NPAS3: variants seen among roughly 807,000 people sequenced by gnomAD.
The protein encoded by NPAS3 is neuronal PAS domain protein 3.
A neutral mutation model predicts 73.1 loss-of-function variants in NPAS3; 14 were observed. The observed-to-expected ratio is 0.19, with a 90% confidence interval of 0.13 to 0.30. NPAS3 has a LOEUF of 0.30. Among genes scored for constraint, NPAS3 ranks in the 10% least tolerant of loss-of-function variants. NPAS3 has a pLI of 1.00. For synonymous variants in NPAS3, 620 were observed against 541.5 expected, an observed-to-expected ratio of 1.14 and a Z score of -2.01; for missense variants, 1,096 against 1,250.0, an observed-to-expected ratio of 0.88 and a Z score of 1.86.
intron 5 of NPAS3, among the ~76,000 whole-genome samples, chr14:33,671,706 C>A (rs568105555): frequency 1.3e-5 from 2 of 152,212 alleles, no homozygotes; most frequent in African/African-American, 4.8e-5. Context: ...TAAGTAAGTT[C>A]TCTTCCAGAG....
At chr14:33,138,388 T>G (rs1402036538) in intron 2 of NPAS3, among the ~76,000 whole-genome samples, 1 of 152,140 alleles carries the variant, frequency 6.6e-6, no homozygotes, top group Non-Finnish European at 1.5e-5. Context: ...ATACAGTAAT[T>G]ATTACTTGAA....
chr14:33,279,490 A>G (rs2041493316), intron 3 of NPAS3, among the ~76,000 whole-genome samples: 1 of 152,172 alleles, frequency 6.6e-6, no homozygotes. Context: ...TCTCTGCCAG[A>G]ACAATACTGG....
intron 3 of NPAS3, among the ~76,000 whole-genome samples, chr14:33,346,219 C>T (rs1111321): frequency 0.053 from 6,465 of 121,134 alleles, 392 homozygotes; most frequent in African/African-American, 0.17. Context: ...AGGGAGACTC[C>T]GTCTCAAAAA....
At chr14:33,612,942 A>G (rs1051066653) in intron 5 of NPAS3, among the ~76,000 whole-genome samples, 5 of 152,208 alleles carry the variant, frequency 3.3e-5, no homozygotes, top group African/African-American at 1.2e-4. Flanking sequence ...AGGGGTAGAA[A>G]AATTCCATCA....
intron 2 of NPAS3, among the ~76,000 whole-genome samples, chr14:33,128,750 T>G (rs931773849): frequency 6.6e-6 from 1 of 152,130 alleles, no homozygotes; most frequent in African/African-American, 2.4e-5. Flanking sequence ...GAATACATTG[T>G]GTTGCTTCTC....
chr14:33,183,664 T>C (rs1486808280), intron 2 of NPAS3, among the ~76,000 whole-genome samples: 1 of 152,006 alleles, frequency 6.6e-6, no homozygotes, highest in African/African-American at 2.4e-5. Flanking sequence ...GGTAACCTTG[T>C]AATTGTAGTC....
intron 5 of NPAS3, among the ~76,000 whole-genome samples, chr14:33,641,415 G>A (rs982597240): frequency 2.6e-5 from 4 of 152,140 alleles, no homozygotes; most frequent in African/African-American, 7.2e-5. Context: ...CCTCATACCA[G>A]CTAAAGGGCT....
In NPAS3 at chr14:33,642,210, G is replaced by A. The variant is rs376797287; in HGVS notation, c.559-34001G>A. Among the ~76,000 whole-genome samples, 55 of 152,152 alleles carry A rather than the reference G, an allele frequency of 3.6e-4. No individual in the cohort carries two copies. The South Asian group carries it at 0.011, about 29-fold the overall frequency. On this transcript the variant is annotated intron_variant, in intron 5 of 11. Transcript: ENST00000356141. Reference sequence around the variant, plus strand: ...CATTTTCTTTTCACATCATCCTTTTGCTTAGAGCTCTAGCTTTAGAGAGGA... The same window carrying A: ...CATTTTCTTTTCACATCATCCTTTTACTTAGAGCTCTAGCTTTAGAGAGGA...
At chr14:33,009,262 A>G (rs2039105741) in intron 1 of NPAS3, among the ~76,000 whole-genome samples, 1 of 152,192 alleles carries the variant, frequency 6.6e-6, no homozygotes. Flanking sequence ...AATAAAACCA[A>G]AAGACATCAT....
intron 1 of NPAS3, among the ~76,000 whole-genome samples, chr14:32,953,473 T>C (rs2036563920): frequency 2.0e-5 from 3 of 152,198 alleles, no homozygotes; most frequent in Non-Finnish European, 4.4e-5. Flanking sequence ...ATCAGTGTTG[T>C]AGCAGTCAGT....
downstream of NPAS3, chr14:33,801,248 C>G (rs2063709574): frequency 6.9e-7 from 1 of 1,441,778 alleles, no homozygotes; most frequent in Admixed American, 2.8e-5. Context: ...CATTCCACCC[C>G]CTCTTTCTTT....
At chr14:33,720,642 C>A (rs1386593106) in intron 6 of NPAS3, among the ~76,000 whole-genome samples, 1 of 152,148 alleles carries the variant, frequency 6.6e-6, no homozygotes, top group Non-Finnish European at 1.5e-5. Flanking sequence ...GGCATTTTAT[C>A]CTTTGAGTAA....
At chr14:33,187,991 G>A (rs1451872493) in intron 2 of NPAS3, among the ~76,000 whole-genome samples, 2 of 152,068 alleles carry the variant, frequency 1.3e-5, no homozygotes, top group East Asian at 3.9e-4. Flanking sequence ...TTTTGCAAAT[G>A]CAAAAGCTGA....
intron 5 of NPAS3, among the ~76,000 whole-genome samples, chr14:33,578,079 T>A (rs1342862520): frequency 1.3e-5 from 2 of 152,244 alleles, no homozygotes; most frequent in Non-Finnish European, 2.9e-5. Context: ...TTTTTCTAGT[T>A]CTTTCTAAAG....
At chr14:33,057,945 T>A (rs949155355) in intron 2 of NPAS3, among the ~76,000 whole-genome samples, 3 of 152,224 alleles carry the variant, frequency 2.0e-5, no homozygotes, top group Admixed American at 6.5e-5. Flanking sequence ...ACAAGCACAC[T>A]GAAGAGAAAA....
intron 1 of NPAS3, among the ~76,000 whole-genome samples, chr14:33,017,100 A>G (rs984835963): frequency 6.6e-6 from 1 of 152,180 alleles, no homozygotes; most frequent in Non-Finnish European, 1.5e-5. Flanking sequence ...TCATGGCACT[A>G]AAGGAATTTT....
At chr14:33,497,430 G>A (rs934566094) in intron 4 of NPAS3, among the ~76,000 whole-genome samples, 2 of 152,036 alleles carry the variant, frequency 1.3e-5, no homozygotes, top group East Asian at 1.9e-4. Flanking sequence ...GAGGCATCAT[G>A]CTACCTGACT....
chr14:33,621,655 G>T (rs1456190386), intron 5 of NPAS3, among the ~76,000 whole-genome samples: 1 of 152,060 alleles, frequency 6.6e-6, no homozygotes, highest in African/African-American at 2.4e-5. Context: ...GCCATCTGTA[G>T]ATTACGTCAA....
chr14:33,405,045 G>C (rs1041170295), intron 4 of NPAS3, among the ~76,000 whole-genome samples: 1 of 152,018 alleles, frequency 6.6e-6, no homozygotes, highest in African/African-American at 2.4e-5. Context: ...ATCTACCCAA[G>C]TCCTTGATTT....
Sources: gnomAD v4.1 joint callset for allele counts (sites outside exome capture counted in the v4.1 genomes callset) on GRCh38, gnomAD v4.1.1 for gene constraint, MANE v1.5 for transcripts, NCBI Gene and HGNC (gene_info 2026-07-23, HGNC 2026-07-21) for gene names.